PUM3: variants seen among roughly 807,000 people sequenced by gnomAD.
The protein encoded by PUM3 is pumilio homolog 3.
Under a neutral mutation model 84.0 loss-of-function variants are expected in PUM3, and 91 were observed. The ratio of observed to expected loss-of-function variants is 1.08; its 90% CI spans 0.91 to 1.29. The LOEUF is 1.29. Ranked by LOEUF, PUM3 falls within the 50% of genes most tolerant of loss-of-function variation. The probability of loss-of-function intolerance (pLI) is 0.00; values close to 1 mark genes in which losing one functional copy is unlikely to be tolerated. For missense variants in PUM3, 1,067 were observed against 767.5 expected (o/e 1.39, Z -4.61); for synonymous variants, 321 against 266.7 (o/e 1.20, Z -1.98).
intron 16 of PUM3, among the ~76,000 whole-genome samples, chr9:2,808,335 A>G (rs1010855113): frequency 1.3e-5 from 2 of 152,258 alleles, no homozygotes; most frequent in Non-Finnish European, 2.9e-5. Context: ...TGAACATAAC[A>G]CAGTGTTCAC....
At chr9:2,835,013 C>CAAA (rs56393910) in intron 3 of PUM3, among the ~76,000 whole-genome samples, 12 of 119,982 alleles carry the variant, frequency 1.0e-4, no homozygotes, top group African/African-American at 1.6e-4. Context: ...GGGAAAAATG[C>CAAA]AAAAAAAAAA....
intron 12 of PUM3, among the ~76,000 whole-genome samples, chr9:2,822,722 TTA>T: frequency 9.0e-6 from 1 of 111,624 alleles, no homozygotes; most frequent in Non-Finnish European, 1.9e-5. Context: ...ATATTTATAT[TTA>T]TAACATAATA....
intron 13 of PUM3, among the ~76,000 whole-genome samples, chr9:2,813,126 C>A (rs1471956918): frequency 3.9e-5 from 6 of 152,148 alleles, no homozygotes; most frequent in Non-Finnish European, 7.4e-5. Flanking sequence ...TAAGCAGTTA[C>A]AAATTACACT....
intron 17 of PUM3, among the ~76,000 whole-genome samples, chr9:2,806,857 A>G (rs544670665): frequency 6.6e-6 from 1 of 152,232 alleles, no homozygotes; most frequent in Admixed American, 6.5e-5. Flanking sequence ...ATGTAGAATT[A>G]GGCATGATTT....
intron 11 of PUM3, among the ~76,000 whole-genome samples, chr9:2,824,166 T>C (rs891871712): frequency 6.6e-6 from 1 of 152,180 alleles, no homozygotes; most frequent in Non-Finnish European, 1.5e-5. Flanking sequence ...AGCAAACAGT[T>C]AGTACTCATC....
chr9:2,820,991 T>G (rs1445999434), intron 12 of PUM3, among the ~76,000 whole-genome samples: 1 of 152,228 alleles, frequency 6.6e-6, no homozygotes, highest in African/African-American at 2.4e-5. Context: ...GAATTTGATT[T>G]TTGATAATAG....
At chr9:2,831,422 G>A in intron 5 of PUM3, 78 bp from the exon 6 acceptor site, 1 of 893,608 alleles carries the variant, frequency 1.1e-6, no homozygotes, top group Admixed American at 2.5e-5. Flanking sequence ...ACCTCTTCTG[G>A]AATTTCTTGT....
intron 13 of PUM3, among the ~76,000 whole-genome samples, chr9:2,815,621 A>G (rs749940706): frequency 3.3e-5 from 5 of 152,230 alleles, no homozygotes; most frequent in Non-Finnish European, 5.9e-5. Flanking sequence ...CAAATCAGAA[A>G]AAGTCACACT....
chr9:2,820,717 A>G (rs1821572402), intron 12 of PUM3, among the ~76,000 whole-genome samples: 1 of 152,208 alleles, frequency 6.6e-6, no homozygotes, highest in Non-Finnish European at 1.5e-5. Flanking sequence ...CTAGAAGAGT[A>G]TAATTATACA....
intron 12 of PUM3, among the ~76,000 whole-genome samples, chr9:2,822,805 T>G (rs968269019): frequency 6.7e-6 from 1 of 149,754 alleles, no homozygotes; most frequent in African/African-American, 2.4e-5. Flanking sequence ...TATATGAATA[T>G]TGAATTATGA....
chr9:2,816,291 C>G (rs1821467933), intron 13 of PUM3, among the ~76,000 whole-genome samples: 1 of 152,184 alleles, frequency 6.6e-6, no homozygotes, highest in Admixed American at 6.5e-5. Context: ...GTTAGATCAT[C>G]AGGCAGCTTC....
chr9:2,810,791 C>T (rs1821350740), intron 15 of PUM3, among the ~76,000 whole-genome samples: 1 of 152,204 alleles, frequency 6.6e-6, no homozygotes, highest in Non-Finnish European at 1.5e-5. Context: ...CAGGACAGAA[C>T]ACTATAGCAC....
At position 2,811,550 on chromosome 9, in the gene PUM3, G is replaced by A; in HGVS notation, c.1446C>T (p.Leu482=). The A allele has an allele frequency of 1.2e-6, 2 of 1,614,086 alleles. No individual in the cohort carries two copies. The highest frequency in any genetic ancestry group is 1.7e-6 in the Non-Finnish European group (2 of 1,180,004). Residue 482 remains leucine (L), a synonymous_variant, in exon 15 of 18, where the codon CTC becomes CTT. Transcript: ENST00000397885. ...KKDTEVRRRE[L]LESISPALLS... ...ACAAAGCTGGAGAAATGGATTCTAG[G>A]AGCTCCCGTCTGCGGACCTCTGTAT... is the stretch of plus-strand genomic sequence containing the variant.
intron 12 of PUM3, among the ~76,000 whole-genome samples, chr9:2,823,036 A>C (rs1815708265): frequency 6.6e-6 from 1 of 151,910 alleles, no homozygotes; most frequent in South Asian, 2.1e-4. Context: ...GTAGTTGATT[A>C]CTACATAATT....
chr9:2,842,866 C>T (rs1297212035), intron 1 of PUM3, among the ~76,000 whole-genome samples: 1 of 152,128 alleles, frequency 6.6e-6, no homozygotes, highest in African/African-American at 2.4e-5. Context: ...TTTTTCCCTG[C>T]CCTATCGTCC....
rs190613504 is a variant in PUM3, at chr9:2,834,209, A to G, written c.305-43T>C. On this transcript the variant is annotated intron_variant, in intron 3 of 17. Coordinates refer to ENST00000397885, the MANE Select transcript of PUM3 (RefSeq NM_014878.5). ...TATTTTCAATTACATTTAACATTCT[A>G]AGTGTCATACACCAATACAAATTAG... 171 of 1,556,968 alleles carry G rather than the reference A, an allele frequency of 1.1e-4. No homozygotes were observed. The African/African-American group carries it at 2.1e-3, about 19-fold the overall frequency.
chr9:2,824,756 G>A lies in PUM3; in HGVS notation c.1095C>T (p.Ala365=). 1 of 1,588,984 alleles carries A rather than the reference G, an allele frequency of 6.3e-7. No individual in the cohort carries two copies. The highest frequency in any genetic ancestry group is 8.6e-7 in the Non-Finnish European group (1 of 1,164,212). ...GCCACAGGCAGTGCATGGCCACTCT[G>A]GCGCCATCGTGTGTGTGTGCCAGGT... The part of the protein sequence containing the change: ...VVYLAHTHDG[A]RVAMHCLWHG... Residue 365 remains alanine (A), a synonymous_variant, in exon 11 of 18, where the codon GCC becomes GCT. Transcript: ENST00000397885.
chr9:2,811,639 G>C, intron 14 of PUM3, 56 bp from the exon 15 acceptor site: 1 of 1,325,844 alleles, frequency 7.5e-7, no homozygotes, highest in Non-Finnish European at 1.1e-6. Flanking sequence ...AGGAAATGTG[G>C]TGATATTATC....
intron 6 of PUM3, 44 bp from the exon 7 acceptor site, chr9:2,831,072 A>G (rs905646334): frequency 1.8e-6 from 2 of 1,106,474 alleles, no homozygotes; most frequent in Non-Finnish European, 2.7e-6. Flanking sequence ...ATCTCATTTC[A>G]GTTCTCTGGA....
Sources: allele counts gnomAD v4.1 joint callset (sites outside exome capture counted in the v4.1 genomes callset), GRCh38; gene constraint gnomAD v4.1.1; transcripts MANE v1.5; gene names NCBI Gene and HGNC (gene_info 2026-07-23, HGNC 2026-07-21).